The following ADGRA2 variants were observed in gnomAD, a reference collection of about 807,000 sequenced individuals.
ADGRA2 encodes G-protein coupled receptor 124.
In ADGRA2, 61 loss-of-function variants were observed where a neutral mutation model predicts 98.7. The observed-to-expected ratio is 0.62, with a 90% CI of 0.50 to 0.76. The LOEUF (loss-of-function observed/expected upper bound fraction) is 0.76. Ranked by LOEUF, ADGRA2 falls within the 30% of genes least tolerant of loss-of-function variation. The pLI is 0.00. For synonymous variants in ADGRA2, 858 were observed against 831.5 expected (o/e 1.03, Z -0.55); for missense variants, 1,712 against 1,860.0 (o/e 0.92, Z 1.46).
chr8:37,833,321 T>C, intron 9 of ADGRA2, 113 bp downstream of exon 9: 1 of 833,706 alleles, frequency 1.2e-6, no homozygotes, highest in Non-Finnish European at 1.8e-6. Flanking sequence ...CTGTGCCTCC[T>C]GTTCCTGCCT....
At chr8:37,832,064 C>T (rs930824926) in intron 8 of ADGRA2, among the ~76,000 whole-genome samples, 2 of 152,112 alleles carry the variant, frequency 1.3e-5, no homozygotes, top group Non-Finnish European at 2.9e-5. Context: ...AAGACTCCAT[C>T]TCAAAAACAA....
chr8:37,798,936 G>A (rs1804419323), intron 1 of ADGRA2, among the ~76,000 whole-genome samples: 1 of 152,258 alleles, frequency 6.6e-6, no homozygotes, highest in Non-Finnish European at 1.5e-5. Flanking sequence ...ACCTGTGGCT[G>A]TTCAGGGCAG....
intron 1 of ADGRA2, among the ~76,000 whole-genome samples, chr8:37,811,119 C>CAAAAAAA (rs1158782949): frequency 2.3e-3 from 157 of 68,150 alleles, no homozygotes; most frequent in East Asian, 4.5e-3. Flanking sequence ...GTCTCAAAAA[C>CAAAAAAA]AAAAAAAAAA....
At chr8:37,816,245 G>T (rs1300280595) in intron 2 of ADGRA2, among the ~76,000 whole-genome samples, 1 of 151,876 alleles carries the variant, frequency 6.6e-6, no homozygotes, top group East Asian at 1.9e-4. Context: ...AGCTATGATT[G>T]TGCCACTGCA....
At chr8:37,837,498 C>T (rs1805653087) in intron 13 of ADGRA2, among the ~76,000 whole-genome samples, 1 of 152,236 alleles carries the variant, frequency 6.6e-6, no homozygotes, top group East Asian at 1.9e-4. Context: ...TCAGGGTGGG[C>T]CACCACAGAG....
intron 13 of ADGRA2, 60 bp from the exon 14 acceptor site, chr8:37,837,671 C>A: frequency 7.1e-7 from 1 of 1,409,298 alleles, no homozygotes. Flanking sequence ...TGAGTCCCGG[C>A]TGAGCCCACC....
At chr8:37,826,664 C>A (rs1160768824) in intron 2 of ADGRA2, among the ~76,000 whole-genome samples, 1 of 152,200 alleles carries the variant, frequency 6.6e-6, no homozygotes, top group Non-Finnish European at 1.5e-5. Context: ...CCAAGCGGGA[C>A]TGTGCACAAA....
At chr8:37,815,057 G>A in intron 2 of ADGRA2, 90 bp downstream of exon 2, 5 of 934,942 alleles carry the variant, frequency 5.3e-6, no homozygotes, top group Non-Finnish European at 8.8e-6. Flanking sequence ...TGGTCGCTGA[G>A]TGACTCCAGA....
intron 13 of ADGRA2, 43 bp from the exon 14 acceptor site, chr8:37,837,688 A>T: frequency 6.7e-7 from 1 of 1,500,600 alleles, no homozygotes; most frequent in Non-Finnish European, 9.0e-7. Flanking sequence ...CACCTCCCTG[A>T]CACCCTGTGT....
chr8:37,835,836 C>A, intron 13 of ADGRA2, 66 bp downstream of exon 13: 2 of 971,442 alleles, frequency 2.1e-6, no homozygotes, highest in Non-Finnish European at 3.2e-6. Context: ...TCCCCTTTAT[C>A]CTGCCCTTCC....
rs1284731106 is a variant in ADGRA2, at chr8:37,802,547, C to T, written c.266+5013C>T. Among the ~76,000 whole-genome samples the T allele has an allele frequency of 6.6e-6, 1 of 152,160 alleles. No homozygotes were observed. The highest frequency in any genetic ancestry group is 1.5e-5 in the Non-Finnish European group (1 of 68,032). ...ACTCCAGCACCCACTCCCCTCCCCACCCAGGGGTGCAGGTCTTAGCTGCGG... is the reference window on the plus strand; with the variant it reads ...ACTCCAGCACCCACTCCCCTCCCCATCCAGGGGTGCAGGTCTTAGCTGCGG... On this transcript the variant is annotated intron_variant, in intron 1 of 18. Transcript: ENST00000412232. The surrounding 1 kb of genome is among the most constrained non-coding windows in gnomAD (Gnocchi z 4.7).
At position 37,829,985 on chromosome 8, in the gene ADGRA2, G is replaced by A; in HGVS notation, c.689G>A (p.Gly230Asp). 3 of 1,594,344 alleles carry A rather than the reference G, an allele frequency of 1.9e-6. No homozygotes were observed. The highest frequency in any genetic ancestry group is 2.6e-6 in the Non-Finnish European group (3 of 1,173,720). The change falls in exon 6 of 19, where the codon GGC becomes GAC. Residue 230 changes from glycine to aspartate, a missense_variant. Coordinates refer to ENST00000412232, the MANE Select transcript of ADGRA2 (RefSeq NM_032777.10). ...YPSALHAQAL[G>D]SLQEAQLCCE... ...AGTGCCCTGCATGCTCAGGCCCTGG[G>A]CAGCCTCCAGGAGGCCCAGCTCTGC...
At chr8:37,823,508 A>G (rs1319131171) in intron 2 of ADGRA2, among the ~76,000 whole-genome samples, 3 of 152,036 alleles carry the variant, frequency 2.0e-5, no homozygotes. Flanking sequence ...GCCAGTTTCT[A>G]CTTTTTGCTA....
Position 37,840,217 on chromosome 8 carries a change from C to G in ADGRA2, c.2608C>G (p.Pro870Ala). 1 of 1,612,986 alleles carries G rather than the reference C, an allele frequency of 6.2e-7. No homozygotes were observed. The highest frequency in any genetic ancestry group is 8.5e-7 in the Non-Finnish European group (1 of 1,179,930). The change falls in exon 17 of 19, where the codon CCT (proline) becomes GCT (alanine). Residue 870 changes from proline (P) to alanine (A), a missense_variant. By Grantham distance (27) the Pro-to-Ala change is conservative. Transcript: ENST00000412232. ...TAAGGAGCTCACCTGGAGGGCACCC[C>G]CTCCGCAAGAAGGGGACCCCGCTCT... ...LHKELTWRAPPPQEGDPALPT... is the reference protein window; with the variant it reads ...LHKELTWRAPAPQEGDPALPT...
At chr8:37,826,376 A>T (rs556965132) in intron 2 of ADGRA2, among the ~76,000 whole-genome samples, 1 of 152,190 alleles carries the variant, frequency 6.6e-6, no homozygotes, top group African/African-American at 2.4e-5. Context: ...CAGCCAGGAT[A>T]CTTATCCTGC....
At chr8:37,838,835 C>T in intron 14 of ADGRA2, 121 bp from the exon 15 acceptor site, 1 of 1,212,750 alleles carries the variant, frequency 8.2e-7, no homozygotes, top group Non-Finnish European at 1.1e-6. Context: ...CCTCCCTGCC[C>T]AGATGAACTA....
At chr8:37,821,063 CCT>C (rs1223010346) in intron 2 of ADGRA2, among the ~76,000 whole-genome samples, 4 of 152,070 alleles carry the variant, frequency 2.6e-5, no homozygotes, top group Admixed American at 6.6e-5. Context: ...ACGTCTGTGC[CCT>C]CTCTCTCTCC....
intron 2 of ADGRA2, among the ~76,000 whole-genome samples, chr8:37,816,672 C>G (rs1038281117): frequency 3.5e-5 from 5 of 143,868 alleles, no homozygotes; most frequent in Non-Finnish European, 7.5e-5. Context: ...AATCCCAGTA[C>G]TTTGGGAGGC....
intron 1 of ADGRA2, among the ~76,000 whole-genome samples, chr8:37,798,524 C>T (rs1463062217): frequency 6.6e-6 from 1 of 152,224 alleles, no homozygotes; most frequent in Non-Finnish European, 1.5e-5. Context: ...CTGCGCCGAC[C>T]ACGTGCTCGC....
Sources: gnomAD v4.1 joint callset for allele counts (sites outside exome capture counted in the v4.1 genomes callset) on GRCh38, gnomAD v4.1.1 for gene constraint, Gnocchi (gnomAD v3.1) non-coding constraint, MANE v1.5 for transcripts, NCBI Gene and HGNC (gene_info 2026-07-23, HGNC 2026-07-21) for gene names.